The following WRAP73 variants were observed in gnomAD, a reference collection of about 807,000 sequenced individuals.
WRAP73 encodes the protein WD repeat containing, antisense to TP73, also known as WD repeat-containing protein WRAP73.
Under a neutral mutation model 59.6 loss-of-function variants are expected in WRAP73, and 55 were observed. The ratio of observed to expected loss-of-function variants is 0.92; its 90% CI spans 0.74 to 1.15. The LOEUF is 1.15. Among genes scored for constraint, WRAP73 ranks in the 50% most tolerant of loss-of-function variants. WRAP73 has a pLI of 0.00. For synonymous variants in WRAP73, 265 were observed against 258.2 expected (o/e 1.03, Z -0.25); for missense variants, 592 against 608.1 (o/e 0.97, Z 0.28).
rs920201204 is a variant in WRAP73, at chr1:3,632,282, C to T, written c.979G>A (p.Ala327Thr). 7.4e-6 allele frequency: 12 copies of T among 1,614,168 alleles called. No individual in the cohort carries two copies. Among genetic ancestry groups the T allele is most frequent in the South Asian group, 1.1e-5 (1 of 91,088 alleles). The change falls in exon 10 of 12, where the codon GCA becomes ACA. Residue 327 changes from alanine to threonine, a missense_variant. Coordinates refer to ENST00000270708, the MANE Select transcript of WRAP73 (RefSeq NM_017818.4). ...LQTLKPVTDR[A>T]NPKIGIGMLA... Reference sequence around the variant, plus strand: ...ATTCCTATGCCGATTTTCGGGTTTGCTCTGTCGGTAACAGGTTTCAGTGTC... The same window carrying T: ...ATTCCTATGCCGATTTTCGGGTTTGTTCTGTCGGTAACAGGTTTCAGTGTC...
intron 1 of WRAP73, among the ~76,000 whole-genome samples, chr1:3,649,444 G>A (rs1282521901): frequency 6.6e-6 from 1 of 152,232 alleles, no homozygotes; most frequent in Non-Finnish European, 1.5e-5. Flanking sequence ...TTTGCCTTTT[G>A]TGACAAAGTA....
intron 8 of WRAP73, 141 bp downstream of exon 8, chr1:3,634,856 A>C (rs1644574110): frequency 9.7e-7 from 1 of 1,027,084 alleles, no homozygotes; most frequent in East Asian, 2.4e-5. Context: ...CAGACGCGTG[A>C]AATGTCACAG....
Position 3,646,783 on chromosome 1 carries a change from C to A in WRAP73, c.223-1G>T. The A allele has an allele frequency of 6.2e-7, 1 of 1,610,020 alleles. No homozygotes were observed. Among genetic ancestry groups the A allele is most frequent in the Non-Finnish European group, 8.5e-7 (1 of 1,178,480 alleles). ...ATTCGGGCTGCTCTAAAGACCAGACCTGGATTGAGAGAAGAAAGAAACACA... is the reference window on the plus strand; with the variant it reads ...ATTCGGGCTGCTCTAAAGACCAGACATGGATTGAGAGAAGAAAGAAACACA... On this transcript the variant is annotated splice_acceptor_variant, in intron 2 of 11. Coordinates refer to ENST00000270708, the MANE Select transcript of WRAP73 (RefSeq NM_017818.4). LOFTEE classifies it high-confidence loss of function. The surrounding 1 kb of genome is among the most constrained non-coding windows in gnomAD (Gnocchi z 5.1).
chr1:3,639,281 C>T lies in WRAP73; in HGVS notation c.340-459G>A. On this transcript the variant is annotated intron_variant, in intron 3 of 11. Transcript: ENST00000270708. This position sits in a 1 kb window ranked among gnomAD's most constrained non-coding sequence, Gnocchi z 4.3. Reference sequence around the variant, plus strand: ...TGCATCTGCAGCCCTGAGGCAGGAGCAGCCACTCAACACCCAAGAAGGTGT... The same window carrying T: ...TGCATCTGCAGCCCTGAGGCAGGAGTAGCCACTCAACACCCAAGAAGGTGT... The T allele has an allele frequency of 5.6e-6, 1 of 179,364 alleles. No individual in the cohort carries two copies. The highest frequency in any genetic ancestry group is 1.8e-4 in the East Asian group (1 of 5,546). 11.1% of individuals were successfully genotyped at this position (179,364 alleles called of 1,614,324 possible). A position where few individuals can be genotyped will look rare whatever the true frequency, so the allele number is the denominator to read the frequency against.
At chr1:3,647,074 A>G (rs1644699258) in intron 2 of WRAP73, among the ~76,000 whole-genome samples, 1 of 152,196 alleles carries the variant, frequency 6.6e-6, no homozygotes, top group African/African-American at 2.4e-5. Flanking sequence ...AAAACTGTTT[A>G]TTCACATTGT....
rs1297099463 is a variant in WRAP73, at chr1:3,639,993, T to C, written c.340-1171A>G. 6.6e-6 allele frequency among the ~76,000 whole-genome samples: 1 copy of C among 152,200 alleles called. No homozygotes were observed. The highest frequency in any genetic ancestry group is 6.5e-5 in the Admixed American group (1 of 15,278). On this transcript the variant is annotated intron_variant, in intron 3 of 11. Coordinates refer to ENST00000270708, the MANE Select transcript of WRAP73 (RefSeq NM_017818.4). The surrounding 1 kb of genome is among the most constrained non-coding windows in gnomAD (Gnocchi z 4.3). ...GTTGTCAGTATAGGATATTAACAAA[T>C]GATTTAATTTAAATGTCTACGCATC...
intron 9 of WRAP73, 50 bp from the exon 10 acceptor site, chr1:3,632,388 C>G: frequency 1.2e-6 from 2 of 1,613,010 alleles, no homozygotes; most frequent in African/African-American, 1.3e-5. Context: ...TCGGGAAGTA[C>G]GCACGCGGCT....
chr1:3,645,049 G>C (rs1015366422), intron 3 of WRAP73, among the ~76,000 whole-genome samples: 1 of 152,206 alleles, frequency 6.6e-6, no homozygotes, highest in Non-Finnish European at 1.5e-5. Context: ...ACATTGGTGG[G>C]CCTTTGTTTC....
In WRAP73 at chr1:3,636,020, G is replaced by C. The variant is rs773164870; in HGVS notation, c.527C>G (p.Thr176Arg). The C allele has an allele frequency of 7.4e-6, 12 of 1,613,354 alleles. No homozygotes were observed. Among genetic ancestry groups the C allele is most frequent in the Non-Finnish European group, 1.0e-5 (12 of 1,179,700 alleles). Reference protein sequence around the residue: ...SDWQLLRHFDTDTQDLTGIEW... With the variant: ...SDWQLLRHFDRDTQDLTGIEW... ...AATCCCTGTGAGATCCTGGGTGTCC[G>C]TATCAAAATGCTTCCAAAGGAAGGG... is the stretch of plus-strand genomic sequence containing the variant. The change falls in exon 6 of 12, where the codon ACG becomes AGG. Residue 176 changes from threonine to arginine, a missense_variant. By Grantham distance (71) the Thr-to-Arg change is moderately conservative. Transcript: ENST00000270708.
intron 4 of WRAP73, among the ~76,000 whole-genome samples, chr1:3,638,328 C>A (rs985888415): frequency 5.3e-5 from 8 of 152,236 alleles, no homozygotes; most frequent in African/African-American, 1.9e-4. Context: ...CCAGAGATGA[C>A]AGGCAAGACC....
rs916031088 is a variant in WRAP73, at chr1:3,634,836, A to G, written c.816+161T>C. 6.8e-6 allele frequency: 6 copies of G among 884,946 alleles called. No individual in the cohort carries two copies. The African/African-American group carries it at 9.8e-5, about 14-fold the overall frequency. 54.8% of individuals were successfully genotyped at this position (884,946 alleles called of 1,614,324 possible). ...GCGTGGAGGAGGAAGAACAAAGGCCAGGGCAGGGCCAGACGCGTGAAATGT... is the reference window on the plus strand; with the variant it reads ...GCGTGGAGGAGGAAGAACAAAGGCCGGGGCAGGGCCAGACGCGTGAAATGT... On this transcript the variant is annotated intron_variant, in intron 8 of 11. Transcript: ENST00000270708.
chr1:3,648,418 C>T (rs959257812), intron 1 of WRAP73, among the ~76,000 whole-genome samples: 6 of 152,102 alleles, frequency 3.9e-5, no homozygotes, highest in African/African-American at 7.2e-5. Flanking sequence ...GTTAGTTTTC[C>T]GTGGGAGAAA....
At chr1:3,631,360 TG>T in intron 11 of WRAP73, 105 bp downstream of exon 11, 1 of 1,426,148 alleles carries the variant, frequency 7.0e-7, no homozygotes, top group Non-Finnish European at 9.5e-7. Flanking sequence ...GCAGTTTCCC[TG>T]GAGTGCTGCC....
chr1:3,642,900 G>A (rs1644660202), intron 3 of WRAP73, among the ~76,000 whole-genome samples: 1 of 152,034 alleles, frequency 6.6e-6, no homozygotes, highest in Admixed American at 6.6e-5. Context: ...GAGAATTAGG[G>A]AAACGCAAAC....
chr1:3,648,319 A>T (rs1007636526), intron 1 of WRAP73, among the ~76,000 whole-genome samples: 1 of 152,246 alleles, frequency 6.6e-6, no homozygotes, highest in Non-Finnish European at 1.5e-5. Flanking sequence ...TCAAGAACTG[A>T]TGTTTAAATA....
At chr1:3,634,908 A>G in intron 8 of WRAP73, 89 bp downstream of exon 8, 1 of 1,465,198 alleles carries the variant, frequency 6.8e-7, no homozygotes, top group Non-Finnish European at 9.5e-7. Flanking sequence ...TAAATAATAA[A>G]CCACAATCAA....
intron 3 of WRAP73, among the ~76,000 whole-genome samples, chr1:3,643,478 G>A (rs1253248483): frequency 2.0e-5 from 3 of 152,230 alleles, no homozygotes; most frequent in Admixed American, 6.5e-5. Context: ...GCCTTTTCAC[G>A]TTAAAATGCA....
chr1:3,642,003 G>A (rs1179322727), intron 3 of WRAP73, among the ~76,000 whole-genome samples: 3 of 152,216 alleles, frequency 2.0e-5, no homozygotes, highest in African/African-American at 7.2e-5. Context: ...GTGCCACCGC[G>A]GAATCATGGG....
intron 4 of WRAP73, among the ~76,000 whole-genome samples, chr1:3,638,062 A>G (rs914489370): frequency 1.3e-5 from 2 of 152,236 alleles, no homozygotes; most frequent in African/African-American, 4.8e-5. Context: ...GTGTGACTGC[A>G]TTGCATTCAA....
Sources: allele counts gnomAD v4.1 joint callset (sites outside exome capture counted in the v4.1 genomes callset), GRCh38; gene constraint gnomAD v4.1.1; non-coding constraint Gnocchi (gnomAD v3.1); transcripts MANE v1.5; gene names NCBI Gene and HGNC (gene_info 2026-07-23, HGNC 2026-07-21).